The following ZBTB2 variants were observed in gnomAD, a reference collection of about 807,000 sequenced individuals.
ZBTB2 encodes zinc finger and BTB domain-containing protein 2.
A neutral mutation model predicts 39.5 loss-of-function variants in ZBTB2; 2 were observed. The ratio of observed to expected loss-of-function variants is 0.05; its 90% CI spans 0.02 to 0.16. The LOEUF (loss-of-function observed/expected upper bound fraction) is 0.16, where lower values mean the gene tolerates loss of function less well. ZBTB2 is among the 10% of genes least tolerant of loss of function. ZBTB2 has a pLI of 1.00. For synonymous variants in ZBTB2, 251 were observed against 256.6 expected, an observed-to-expected ratio of 0.98 and a Z score of 0.21; for missense variants, 391 against 653.0, an observed-to-expected ratio of 0.60 and a Z score of 4.37.
rs199815000 is a variant in ZBTB2, at chr6:151,365,968, T to C, written c.1098A>G (p.Thr366=). 1.2e-6 allele frequency: 2 copies of C among 1,614,184 alleles called. No individual in the cohort carries two copies. The highest frequency in any genetic ancestry group is 4.5e-5 in the East Asian group (2 of 44,866). Residue 366 remains threonine, a synonymous_variant, in exon 3 of 3, where the codon ACA becomes ACG. Coordinates refer to ENST00000325144, the MANE Select transcript of ZBTB2 (RefSeq NM_020861.3). This position sits in a 1 kb window ranked among gnomAD's most constrained non-coding sequence, Gnocchi z 5.6. Reference sequence around the variant, plus strand: ...TCTGGATAAATTTGCGTCCACATATTGTGCACTCGTACTTCCGCCTCTTCA... The same window carrying C: ...TCTGGATAAATTTGCGTCCACATATCGTGCACTCGTACTTCCGCCTCTTCA... ...REVKRRKYEC[T]ICGRKFIQKS...
At chr6:151,375,374 A>T (rs1451929346) in intron 1 of ZBTB2, among the ~76,000 whole-genome samples, 1 of 152,340 alleles carries the variant, frequency 6.6e-6, no homozygotes, top group East Asian at 1.9e-4. Flanking sequence ...GGATCTAAAT[A>T]AACAAACAGA....
At position 151,365,748 on chromosome 6, in the gene ZBTB2, T is replaced by C. The variant is rs371385923; in HGVS notation, c.1318A>G (p.Met440Val). Residue 440 changes from methionine (M) to valine (V), a missense_variant, in exon 3 of 3, where the codon ATG becomes GTG. Physicochemically the swap from Met to Val is conservative, Grantham distance 21. Coordinates refer to ENST00000325144, the MANE Select transcript of ZBTB2 (RefSeq NM_020861.3). The surrounding 1 kb of genome is among the most constrained non-coding windows in gnomAD (Gnocchi z 5.6). ...TAGGGTTTGTTTGTTTGCACCAGCA[T>C]GTTGTCCATCTGACTCCCTTCCTCA... Reference protein sequence around the residue: ...TFEEGSQMDNMLVQTNKPYKC... With the variant: ...TFEEGSQMDNVLVQTNKPYKC... 2 of 1,614,244 alleles carry C rather than the reference T, an allele frequency of 1.2e-6. No homozygotes were observed. The highest frequency in any genetic ancestry group is 1.7e-6 in the Non-Finnish European group (2 of 1,180,044).
At chr6:151,386,514 A>G (rs371032040) in intron 1 of ZBTB2, among the ~76,000 whole-genome samples, 17 of 152,336 alleles carry the variant, frequency 1.1e-4, no homozygotes, top group African/African-American at 4.1e-4. Context: ...AGCCTGCATG[A>G]AAGAGTGAGA....
chr6:151,384,087 T>A (rs1410930732), intron 1 of ZBTB2, among the ~76,000 whole-genome samples: 14 of 152,198 alleles, frequency 9.2e-5, no homozygotes, highest in Non-Finnish European at 1.3e-4. Flanking sequence ...AAAATTCTCA[T>A]CAATTTAACA....
At chr6:151,373,870 A>AAAAAAAAAAAACAAAAC (rs1778843577) in intron 1 of ZBTB2, among the ~76,000 whole-genome samples, 5 of 123,592 alleles carry the variant, frequency 4.0e-5, no homozygotes, top group African/African-American at 1.4e-4. Flanking sequence ...AAAAAAAAAA[A>AAAAAAAAAAAACAAAAC]AAAAAAACCA....
At chr6:151,390,181 G>C (rs1350331240) in intron 1 of ZBTB2, among the ~76,000 whole-genome samples, 1 of 151,910 alleles carries the variant, frequency 6.6e-6, no homozygotes, top group African/African-American at 2.4e-5. Flanking sequence ...CTGGGGCCCG[G>C]CCTGCAGCCT....
At chr6:151,386,109 C>T (rs912244265) in intron 1 of ZBTB2, among the ~76,000 whole-genome samples, 1 of 152,094 alleles carries the variant, frequency 6.6e-6, no homozygotes, top group Non-Finnish European at 1.5e-5. Context: ...GGAGGCAATT[C>T]AGGGACATCT....
intron 1 of ZBTB2, among the ~76,000 whole-genome samples, chr6:151,387,390 G>C (rs777293225): frequency 6.6e-6 from 1 of 152,004 alleles, no homozygotes; most frequent in Non-Finnish European, 1.5e-5. Context: ...AGCGGAAAAG[G>C]CCATAACAAC....
intron 1 of ZBTB2, among the ~76,000 whole-genome samples, chr6:151,374,942 A>C (rs1214623253): frequency 2.7e-5 from 4 of 150,556 alleles, no homozygotes; most frequent in East Asian, 1.9e-4. Flanking sequence ...AAAAAAAAAA[A>C]AAAAAAAAAA....
chr6:151,365,489 A>G lies in ZBTB2; in HGVS notation c.*32T>C, dbSNP rs1340677640. ...AAGGGAGGGAAGATAGTCTTTGTAAAAATGAGAGTTTTTTAAAAAGATAAG... is the reference window on the plus strand; with the variant it reads ...AAGGGAGGGAAGATAGTCTTTGTAAGAATGAGAGTTTTTTAAAAAGATAAG... On this transcript the variant is annotated 3_prime_UTR_variant, in exon 3 of 3. Coordinates refer to ENST00000325144, the MANE Select transcript of ZBTB2 (RefSeq NM_020861.3). The surrounding 1 kb of genome is among the most constrained non-coding windows in gnomAD (Gnocchi z 5.6). 7 of 1,566,638 alleles carry G rather than the reference A, an allele frequency of 4.5e-6. No individual in the cohort carries two copies. Among genetic ancestry groups the G allele is most frequent in the Non-Finnish European group, 6.0e-6 (7 of 1,159,310 alleles).
At position 151,364,306 on chromosome 6, in the gene ZBTB2, C is replaced by A. The variant is rs1307050106; in HGVS notation, c.*1215G>T. 1 of 152,464 alleles carries A rather than the reference C, an allele frequency of 6.6e-6. No homozygotes were observed. Among genetic ancestry groups the A allele is most frequent in the Non-Finnish European group, 1.5e-5 (1 of 68,026 alleles). 9.4% of individuals were successfully genotyped at this position (152,464 alleles called of 1,614,324 possible). ...TCCTGTTTTGTCTTGTGAGGCCCTT[C>A]TTTTATTGGCCTAACGGAAGATTAA... On this transcript the variant is annotated 3_prime_UTR_variant, in exon 3 of 3. Coordinates refer to ENST00000325144, the MANE Select transcript of ZBTB2 (RefSeq NM_020861.3).
In ZBTB2 at chr6:151,366,881, C is replaced by A; in HGVS notation, c.185G>T (p.Arg62Leu). Residue 62 changes from arginine (R) to leucine (L), a missense_variant, in exon 3 of 3, where the codon CGC becomes CTC. Arg to Leu is a moderately radical substitution (Grantham distance 102, BLOSUM62 -2). Around this residue, in one of 7 missense-constraint regions of ZBTB2, gnomAD observed 38 missense variants for 109.2 expected, o/e 0.35. Transcript: ENST00000325144. This position sits in a 1 kb window ranked among gnomAD's most constrained non-coding sequence, Gnocchi z 7.1. The part of the protein sequence containing the change: ...LFVHQTSECV[R>L]LKPTDIQPDI... ...GGGCTGTATGTCAGTTGGTTTCAAG[C>A]GGACACACTCACTGAAAGAAACAAG... 1 of 1,604,318 alleles carries A rather than the reference C, an allele frequency of 6.2e-7. No homozygotes were observed. The highest frequency in any genetic ancestry group is 8.5e-7 in the Non-Finnish European group (1 of 1,173,466).
intron 1 of ZBTB2, among the ~76,000 whole-genome samples, chr6:151,380,344 AC>A (rs1192402381): frequency 1.3e-5 from 2 of 152,226 alleles, no homozygotes; most frequent in African/African-American, 2.4e-5. Flanking sequence ...TGGAGAAGGT[AC>A]TATGGGCTCC....
At chr6:151,372,709 C>T (rs1397658358) in intron 2 of ZBTB2, among the ~76,000 whole-genome samples, 2 of 152,042 alleles carry the variant, frequency 1.3e-5, no homozygotes, top group African/African-American at 2.4e-5. Context: ...CCTCGAGCTT[C>T]TTGTTAGAGG....
Position 151,365,572 on chromosome 6 carries a change from G to A in ZBTB2, c.1494C>T (p.His498=). The A allele has an allele frequency of 2.5e-6, 4 of 1,614,170 alleles. No individual in the cohort carries two copies. Among genetic ancestry groups the A allele is most frequent in the Non-Finnish European group, 3.4e-6 (4 of 1,180,024 alleles). ...SGDSEVTEPD[H]PVLASIKKEQ... ...CCTTTTTGATGGAAGCTAACACTGG[G>A]TGGTCAGGCTCCGTTACTTCCGAGT... The change falls in exon 3 of 3, where the codon CAC becomes CAT. Residue 498 remains histidine (H), a synonymous_variant. Coordinates refer to ENST00000325144, the MANE Select transcript of ZBTB2 (RefSeq NM_020861.3). The surrounding 1 kb of genome is among the most constrained non-coding windows in gnomAD (Gnocchi z 5.6).
intron 1 of ZBTB2, among the ~76,000 whole-genome samples, chr6:151,388,092 A>T (rs1035168705): frequency 4.6e-5 from 7 of 152,264 alleles, no homozygotes; most frequent in African/African-American, 1.7e-4. Flanking sequence ...AGGGAAATAA[A>T]AATGTTCAGT....
chr6:151,371,555 G>T (rs1778789465), intron 2 of ZBTB2, among the ~76,000 whole-genome samples: 1 of 152,152 alleles, frequency 6.6e-6, no homozygotes, highest in Admixed American at 6.5e-5. Flanking sequence ...AAGCAGATCT[G>T]GTTAAGGTGA....
At chr6:151,373,440 G>C (rs370616171) in intron 2 of ZBTB2, 25 bp downstream of exon 2, 1 of 1,613,462 alleles carries the variant, frequency 6.2e-7, no homozygotes, top group African/African-American at 1.3e-5. Context: ...ACAGTCATTA[G>C]GTTATTAGCA....
At chr6:151,384,986 A>G (rs1044578931) in intron 1 of ZBTB2, among the ~76,000 whole-genome samples, 18 of 152,340 alleles carry the variant, frequency 1.2e-4, no homozygotes, top group South Asian at 8.3e-4. Context: ...CAATCAAGAC[A>G]TGAAACTGAA....
Sources: allele counts gnomAD v4.1 joint callset (sites outside exome capture counted in the v4.1 genomes callset), GRCh38; gene constraint gnomAD v4.1.1; regional missense constraint gnomAD v4.1.1; non-coding constraint Gnocchi (gnomAD v3.1); transcripts MANE v1.5; gene names NCBI Gene and HGNC (gene_info 2026-07-23, HGNC 2026-07-21).